CD109: variants seen among roughly 807,000 people sequenced by gnomAD.
CD109 encodes CD109 antigen.
Under a neutral mutation model 165.8 loss-of-function variants are expected in CD109, and 149 were observed. That is an observed-to-expected ratio of 0.90 (90% CI 0.79 to 1.03). The LOEUF (loss-of-function observed/expected upper bound fraction) is 1.03. Among genes scored for constraint, CD109 ranks in the 50% least tolerant of loss-of-function variants. The pLI, the probability that CD109 is intolerant of heterozygous loss-of-function variation, is 0.00. For synonymous variants in CD109, 585 were observed against 592.1 expected (o/e 0.99, Z 0.18); for missense variants, 1,712 against 1,677.8 (o/e 1.02, Z -0.36).
chr6:73,721,472 C>T (rs1771945602), intron 2 of CD109, among the ~76,000 whole-genome samples: 1 of 150,806 alleles, frequency 6.6e-6, no homozygotes, highest in African/African-American at 2.4e-5. Context: ...TCACACCATT[C>T]TCCTGCCTCA....
chr6:73,706,417 G>T (rs140851094), intron 2 of CD109, among the ~76,000 whole-genome samples: 1 of 152,204 alleles, frequency 6.6e-6, no homozygotes, highest in African/African-American at 2.4e-5. Flanking sequence ...TGTTTACGAT[G>T]AAGATATGCC....
At chr6:73,742,664 G>A (rs1772836978) in intron 5 of CD109, among the ~76,000 whole-genome samples, 1 of 152,214 alleles carries the variant, frequency 6.6e-6, no homozygotes, top group Non-Finnish European at 1.5e-5. Context: ...CGGCAGCCCT[G>A]TGCTGTCTTT....
intron 4 of CD109, among the ~76,000 whole-genome samples, chr6:73,731,003 A>G (rs780221922): frequency 6.6e-6 from 1 of 152,150 alleles, no homozygotes; most frequent in Non-Finnish European, 1.5e-5. Context: ...ATGAGAGAGA[A>G]AAAGGGAGTG....
At chr6:73,776,135 G>A (rs4708081) in intron 15 of CD109, among the ~76,000 whole-genome samples, 52,888 of 152,048 alleles carry the variant, frequency 0.35, 9,426 homozygotes, top group African/African-American at 0.42. Flanking sequence ...CACTCCTACC[G>A]ACAGTGTATA....
chr6:73,805,997 C>A (rs1185734538), intron 24 of CD109, among the ~76,000 whole-genome samples: 2 of 152,100 alleles, frequency 1.3e-5, no homozygotes, highest in Non-Finnish European at 2.9e-5. Context: ...CCACACCCAG[C>A]CATCCCATTA....
Position 73,782,698 on chromosome 6 carries a change from G to C in CD109, c.2048G>C (p.Ser683Thr). The change falls in exon 18 of 33, where the codon AGT becomes ACT. Residue 683 changes from serine to threonine, a missense_variant. By Grantham distance (58) the Ser-to-Thr change is moderately conservative (BLOSUM62 1). Coordinates refer to ENST00000287097, the MANE Select transcript of CD109 (RefSeq NM_133493.5). Reference protein sequence around the residue: ...VDIHDFSLGSSPHVRKHFPET... With the variant: ...VDIHDFSLGSTPHVRKHFPET... ...ATTCATGACTTTTCTTTGGGTAGCA[G>C]TCCACATGTCCGAAAGCATTTTCCA... 6.2e-7 allele frequency: 1 copy of C among 1,613,916 alleles called. No individual in the cohort carries two copies. Among genetic ancestry groups the C allele is most frequent in the South Asian group, 1.1e-5 (1 of 91,046 alleles).
At chr6:73,729,488 A>G (rs1772266406) in intron 3 of CD109, among the ~76,000 whole-genome samples, 1 of 122,564 alleles carries the variant, frequency 8.2e-6, no homozygotes, top group Non-Finnish European at 1.7e-5. Context: ...TAGGACTTCT[A>G]TTGTTATTAT....
At chr6:73,750,433 A>C (rs1274221519) in intron 5 of CD109, among the ~76,000 whole-genome samples, 1 of 152,160 alleles carries the variant, frequency 6.6e-6, no homozygotes, top group East Asian at 1.9e-4. Flanking sequence ...ATTCAGAGAG[A>C]GTGGCTTTCC....
chr6:73,774,108 A>G (rs1362804452), intron 15 of CD109, among the ~76,000 whole-genome samples: 4 of 151,798 alleles, frequency 2.6e-5, no homozygotes, highest in Non-Finnish European at 4.4e-5. Flanking sequence ...TTATATTCTG[A>G]TATTTCCCAT....
At chr6:73,798,696 C>T (rs1775257277) in intron 23 of CD109, among the ~76,000 whole-genome samples, 1 of 152,100 alleles carries the variant, frequency 6.6e-6, no homozygotes. Context: ...GGCTGGCTGC[C>T]TCTAGTGGAA....
At chr6:73,798,534 C>G (rs1272477582) in intron 23 of CD109, among the ~76,000 whole-genome samples, 1 of 152,020 alleles carries the variant, frequency 6.6e-6, no homozygotes, top group Non-Finnish European at 1.5e-5. Context: ...ACAGGACACT[C>G]CCACAAGGAG....
intron 20 of CD109, 99 bp downstream of exon 20, chr6:73,785,576 T>G (rs891594248): frequency 3.3e-6 from 2 of 615,098 alleles, no homozygotes; most frequent in Non-Finnish European, 5.5e-6. Context: ...TTTGGGATTC[T>G]AAGCACTTTA....
chr6:73,809,307 A>G (rs535321223), intron 26 of CD109, among the ~76,000 whole-genome samples: 120 of 152,226 alleles, frequency 7.9e-4, no homozygotes, highest in Admixed American at 1.8e-3. Flanking sequence ...AGTCCAGAAT[A>G]TTAGAGCTAG....
At chr6:73,806,375 T>TG (rs1188476232) in intron 24 of CD109, among the ~76,000 whole-genome samples, 1 of 110,552 alleles carries the variant, frequency 9.0e-6, no homozygotes, top group Admixed American at 1.0e-4. Context: ...GGTGGGGGGA[T>TG]GGGGGAGGGA....
intron 5 of CD109, among the ~76,000 whole-genome samples, chr6:73,745,022 G>A (rs1288467873): frequency 6.6e-6 from 1 of 152,228 alleles, no homozygotes; most frequent in African/African-American, 2.4e-5. Context: ...TTGTGGGAGG[G>A]TCAGGACTAG....
intron 23 of CD109, among the ~76,000 whole-genome samples, chr6:73,802,263 G>C (rs953945695): frequency 1.1e-5 from 1 of 93,746 alleles, no homozygotes; most frequent in African/African-American, 4.3e-5. Context: ...GTATATGTGT[G>C]TGTGTGTGTG....
At position 73,792,591 on chromosome 6, in the gene CD109, AT is replaced by A; in HGVS notation, c.2702-32del. ...CACCAGCAGGTCGTTGTTACTGAGT[AT>A]TTACTGAATGAACTGCATGTCTTGT... On this transcript the variant is annotated intron_variant, in intron 22 of 32. Coordinates refer to ENST00000287097, the MANE Select transcript of CD109 (RefSeq NM_133493.5). 1.9e-6 allele frequency: 3 copies of A among 1,603,216 alleles called. No homozygotes were observed. In the South Asian group the frequency reaches 3.3e-5, roughly 18 times the overall value.
In CD109 at chr6:73,715,186, G is replaced by T. The variant is rs1021175829; in HGVS notation, c.248-8065G>T. The stretch of plus-strand genomic sequence containing the variant: ...GAGGCATGAGAATCTCTTGAACCCG[G>T]GAGGTGGAGGTTGCAGTGAGCTGAG... On this transcript the variant is annotated intron_variant, in intron 2 of 32. Coordinates refer to ENST00000287097, the MANE Select transcript of CD109 (RefSeq NM_133493.5). Among the ~76,000 whole-genome samples the T allele has an allele frequency of 5.3e-5, 8 of 152,166 alleles. 1 individual carries two copies. The East Asian group carries it at 1.5e-3, about 29-fold the overall frequency.
intron 19 of CD109, among the ~76,000 whole-genome samples, chr6:73,785,132 TGC>T (rs1774639573): frequency 6.6e-6 from 1 of 152,248 alleles, no homozygotes; most frequent in Non-Finnish European, 1.5e-5. Flanking sequence ...AGTGTTTGGT[TGC>T]TATAAGGCAC....
Sources: allele counts gnomAD v4.1 joint callset (sites outside exome capture counted in the v4.1 genomes callset), GRCh38; gene constraint gnomAD v4.1.1; transcripts MANE v1.5; gene names NCBI Gene and HGNC (gene_info 2026-07-23, HGNC 2026-07-21).